Variants in GREB1L observed in about 807,000 individuals in gnomAD.
The protein encoded by GREB1L is GREB1 like retinoic acid receptor coactivator.
Under a neutral mutation model 200.8 loss-of-function variants are expected in GREB1L, and 17 were observed. The observed-to-expected ratio is 0.08, with a 90% CI of 0.06 to 0.13. The LOEUF is 0.13. Ranked by LOEUF, GREB1L falls within the 10% of genes least tolerant of loss-of-function variation. GREB1L has a pLI of 1.00. For synonymous variants in GREB1L, 789 were observed against 893.0 expected, an observed-to-expected ratio of 0.88 and a Z score of 2.08; for missense variants, 1,657 against 2,367.7, an observed-to-expected ratio of 0.70 and a Z score of 6.23.
chr18:21,433,560 ATGT>A (rs1256500296), intron 7 of GREB1L, among the ~76,000 whole-genome samples: 1 of 152,176 alleles, frequency 6.6e-6, no homozygotes, highest in Non-Finnish European at 1.5e-5. Flanking sequence ...CAACTTTGTA[ATGT>A]TGTGTGTGCA....
chr18:21,462,746 G>A (rs537084478), intron 15 of GREB1L, among the ~76,000 whole-genome samples: 22 of 152,066 alleles, frequency 1.4e-4, no homozygotes, highest in Admixed American at 9.2e-4. Context: ...CACTGCACCC[G>A]GCCTAATGAA....
chr18:21,399,838 C>T (rs1224672630), intron 5 of GREB1L, among the ~76,000 whole-genome samples: 1 of 152,120 alleles, frequency 6.6e-6, no homozygotes, highest in Non-Finnish European at 1.5e-5. Context: ...ACAAATTGGA[C>T]TTCCAATTTA....
chr18:21,322,950 A>G (rs2038972274), intron 1 of GREB1L, among the ~76,000 whole-genome samples: 1 of 152,080 alleles, frequency 6.6e-6, no homozygotes, highest in Non-Finnish European at 1.5e-5. Flanking sequence ...GGACTTTTTA[A>G]GTTTGCATAT....
At chr18:21,264,639 A>G (rs2037938631) in intron 1 of GREB1L, among the ~76,000 whole-genome samples, 1 of 152,104 alleles carries the variant, frequency 6.6e-6, no homozygotes, top group African/African-American at 2.4e-5. Flanking sequence ...AGTTCGAGGT[A>G]GAGGGGAAGG....
chr18:21,473,275 A>G (rs769618282), intron 16 of GREB1L, 64 bp downstream of exon 16: 13 of 1,279,882 alleles, frequency 1.0e-5, no homozygotes, highest in Non-Finnish European at 1.3e-5. Flanking sequence ...ACCTAATGAA[A>G]TATGTTAAAG....
chr18:21,253,780 T>A (rs1257631336), intron 1 of GREB1L, among the ~76,000 whole-genome samples: 1 of 151,994 alleles, frequency 6.6e-6, no homozygotes, highest in Admixed American at 6.6e-5. Flanking sequence ...ACTGCTAATA[T>A]GATTTCCCTA....
intron 27 of GREB1L, among the ~76,000 whole-genome samples, chr18:21,508,989 T>C (rs1000264607): frequency 1.1e-4 from 16 of 152,084 alleles, no homozygotes; most frequent in African/African-American, 3.6e-4. Context: ...GAGGGGCCCC[T>C]AGGTCATCTC....
chr18:21,307,288 C>T (rs1167167711), intron 1 of GREB1L, among the ~76,000 whole-genome samples: 1 of 152,200 alleles, frequency 6.6e-6, no homozygotes, highest in Non-Finnish European at 1.5e-5. Flanking sequence ...GATCAGTTCC[C>T]CTGGTAGGAA....
intron 1 of GREB1L, among the ~76,000 whole-genome samples, chr18:21,308,342 C>T (rs1376728858): frequency 6.6e-6 from 1 of 152,192 alleles, no homozygotes; most frequent in East Asian, 1.9e-4. Context: ...TGGTCCCTGC[C>T]ATTATAAATT....
chr18:21,516,719 G>C lies in GREB1L; in HGVS notation c.5236G>C (p.Gly1746Arg). Residue 1746 changes from glycine (G) to arginine (R), a missense_variant, in exon 30 of 33, where the codon GGG becomes CGG. By Grantham distance (125) the Gly-to-Arg change is moderately radical. Coordinates refer to ENST00000424526, the MANE Select transcript of GREB1L (RefSeq NM_001142966.3). ...SLMKKHVQVG[G>R]QRDFIIKPKI... is the part of the protein sequence containing the mutation. The stretch of plus-strand genomic sequence containing the variant: ...CATGAAGAAACATGTTCAGGTTGGA[G>C]GGCAAAGGGACTTTATCATTAAACC... 1.3e-6 allele frequency: 2 copies of C among 1,551,522 alleles called. No individual in the cohort carries two copies. The highest frequency in any genetic ancestry group is 1.7e-6 in the Non-Finnish European group (2 of 1,146,906).
chr18:21,516,467 G>A (rs2037421468), intron 29 of GREB1L, 146 bp from the exon 30 acceptor site: 1 of 695,500 alleles, frequency 1.4e-6, no homozygotes, highest in Non-Finnish European at 2.3e-6. Flanking sequence ...GTTTTTCCAG[G>A]TCAGTGTTAC....
chr18:21,444,859 C>T (rs1280813236), intron 11 of GREB1L, among the ~76,000 whole-genome samples: 1 of 152,162 alleles, frequency 6.6e-6, no homozygotes, highest in African/African-American at 2.4e-5. Context: ...ATCCACTGGC[C>T]CTACACCCAT....
intron 1 of GREB1L, among the ~76,000 whole-genome samples, chr18:21,249,153 A>AT (rs2037657416): frequency 6.7e-6 from 1 of 148,756 alleles, no homozygotes; most frequent in African/African-American, 2.5e-5. Flanking sequence ...TTTTTTTTTT[A>AT]TTTAGGTAGA....
intron 4 of GREB1L, among the ~76,000 whole-genome samples, chr18:21,389,611 T>G (rs1379007579): frequency 6.6e-6 from 1 of 152,148 alleles, no homozygotes; most frequent in Non-Finnish European, 1.5e-5. Flanking sequence ...AAATCCTGCT[T>G]TCTTCAGGCC....
At chr18:21,510,872 T>C (rs1201211616) in intron 27 of GREB1L, among the ~76,000 whole-genome samples, 37 of 152,120 alleles carry the variant, frequency 2.4e-4, no homozygotes, top group Admixed American at 2.1e-3. Context: ...GTGTTTTGCA[T>C]TGTGATTTTG....
chr18:21,434,876 T>C (rs2033438404), intron 7 of GREB1L: 1 of 152,596 alleles, frequency 6.6e-6, no homozygotes, highest in South Asian at 2.1e-4. Context: ...TTTTCTCAAC[T>C]CTTGTTGAAT....
At chr18:21,287,881 G>A (rs1345535623) in intron 1 of GREB1L, among the ~76,000 whole-genome samples, 2 of 144,978 alleles carry the variant, frequency 1.4e-5, no homozygotes, top group South Asian at 4.4e-4. Context: ...TGCAACCTCC[G>A]CCTCCCGGGT....
chr18:21,311,912 G>A (rs563806018), intron 1 of GREB1L, among the ~76,000 whole-genome samples: 4 of 151,770 alleles, frequency 2.6e-5, no homozygotes, highest in Non-Finnish European at 4.4e-5. Context: ...TTTGTTGTAC[G>A]GATTATTTCA....
At chr18:21,439,235 A>G (rs2033753577) in intron 7 of GREB1L, among the ~76,000 whole-genome samples, 1 of 152,186 alleles carries the variant, frequency 6.6e-6, no homozygotes, top group African/African-American at 2.4e-5. Flanking sequence ...GAAAGTGTAT[A>G]TAAGAATTTT....
Sources: gnomAD v4.1 joint callset for allele counts (sites outside exome capture counted in the v4.1 genomes callset) on GRCh38, gnomAD v4.1.1 for gene constraint, MANE v1.5 for transcripts, NCBI Gene and HGNC (gene_info 2026-07-23, HGNC 2026-07-21) for gene names.